Variants in RALYL observed in about 807,000 individuals in gnomAD.
The protein encoded by RALYL is RNA-binding Raly-like protein.
A neutral mutation model predicts 35.1 loss-of-function variants in RALYL; 29 were observed. That is an observed-to-expected ratio of 0.83 (90% CI 0.61 to 1.13). The LOEUF is 1.13. Among genes scored for constraint, RALYL ranks in the 50% most tolerant of loss-of-function variants. The probability of loss-of-function intolerance (pLI) is 0.00; values close to 1 mark genes in which losing one functional copy is unlikely to be tolerated. For synonymous variants in RALYL, 120 were observed against 127.6 expected, an observed-to-expected ratio of 0.94 and a Z score of 0.40; for missense variants, 359 against 360.4, an observed-to-expected ratio of 1.00 and a Z score of 0.03.
chr8:84,345,438 C>T (rs1849661436), intron 1 of RALYL, among the ~76,000 whole-genome samples: 1 of 152,068 alleles, frequency 6.6e-6, no homozygotes, highest in Non-Finnish European at 1.5e-5. Context: ...TCTACTATGA[C>T]ATATCTACCT....
At chr8:84,481,188 C>T (rs769347074) in intron 1 of RALYL, among the ~76,000 whole-genome samples, 1 of 152,048 alleles carries the variant, frequency 6.6e-6, no homozygotes, top group Non-Finnish European at 1.5e-5. Flanking sequence ...TTATAAATTA[C>T]GTTCTTCTAA....
rs573403584 is a variant in RALYL at position 84,858,523 on chromosome 8, A to G, written c.414-3773A>G. On this transcript the variant is annotated intron_variant, in intron 5 of 8. Transcript: ENST00000521268. Reference sequence around the variant, plus strand: ...AAGAAAAACAAGAGGAAGGAAAAAAATTAAAGCTTTTCACTAGCCTGGAGA... The same window carrying G: ...AAGAAAAACAAGAGGAAGGAAAAAAGTTAAAGCTTTTCACTAGCCTGGAGA... Among the ~76,000 whole-genome samples the G allele has an allele frequency of 7.7e-4, 117 of 152,344 alleles. 2 individuals carry two copies. Among genetic ancestry groups the G allele is most frequent in the African/African-American group, 2.6e-3 (108 of 41,584 alleles).
In RALYL at chr8:84,500,770, T is replaced by C. The variant is rs560089208; in HGVS notation, c.-23-28529T>C. Among the ~76,000 whole-genome samples, 15 of 152,256 alleles carry C rather than the reference T, an allele frequency of 9.9e-5. No homozygotes were observed. In the South Asian group the frequency reaches 2.9e-3, roughly 29 times the overall value. ...AATGGAAATTAAATGTGATGCTGGG[T>C]GTTCTGGCAGGGTGGCCTGGGAGCT... On this transcript the variant is annotated intron_variant, in intron 1 of 8. Transcript: ENST00000521268.
intron 2 of RALYL, among the ~76,000 whole-genome samples, chr8:84,742,620 A>G (rs1306178089): frequency 6.6e-6 from 1 of 152,038 alleles, no homozygotes; most frequent in Admixed American, 6.6e-5. Context: ...AATCAGAGGA[A>G]ACTGGGAGGG....
chr8:84,691,850 G>T (rs922276533), intron 2 of RALYL, among the ~76,000 whole-genome samples: 1 of 151,878 alleles, frequency 6.6e-6, no homozygotes, highest in Non-Finnish European at 1.5e-5. Context: ...CTAAACAAGA[G>T]CAAAATATTA....
At chr8:84,904,968 T>C (rs1846248542) in intron 8 of RALYL, among the ~76,000 whole-genome samples, 1 of 152,156 alleles carries the variant, frequency 6.6e-6, no homozygotes, top group Non-Finnish European at 1.5e-5. Context: ...ACATGAGATC[T>C]ACCATCTTTA....
chr8:84,519,716 C>A (rs556071406), intron 1 of RALYL, among the ~76,000 whole-genome samples: 3 of 152,290 alleles, frequency 2.0e-5, no homozygotes, highest in Admixed American at 6.5e-5. Context: ...AATGGAACCC[C>A]TTTTAGCAAT....
At chr8:84,316,371 A>C (rs1212368788) in intron 1 of RALYL, among the ~76,000 whole-genome samples, 1 of 152,126 alleles carries the variant, frequency 6.6e-6, no homozygotes, top group Admixed American at 6.5e-5. Context: ...GTATTTCTAT[A>C]ATATCAGGTT....
At chr8:84,882,366 T>C (rs558834065) in intron 7 of RALYL, among the ~76,000 whole-genome samples, 1 of 152,044 alleles carries the variant, frequency 6.6e-6, no homozygotes, top group Non-Finnish European at 1.5e-5. Flanking sequence ...TGAAGACTTG[T>C]CAATATAAAC....
intron 1 of RALYL, among the ~76,000 whole-genome samples, chr8:84,401,311 G>T (rs182348799): frequency 6.6e-6 from 1 of 151,808 alleles, no homozygotes; most frequent in African/African-American, 2.4e-5. Flanking sequence ...TTTCAGTGTG[G>T]GGAAGGTTTA....
At chr8:84,645,035 C>T (rs370434189) in intron 2 of RALYL, among the ~76,000 whole-genome samples, 1 of 152,034 alleles carries the variant, frequency 6.6e-6, no homozygotes, top group East Asian at 1.9e-4. Flanking sequence ...CAGGCATAAG[C>T]CACTGCACCT....
chr8:84,819,899 G>A (rs368516149), intron 4 of RALYL, among the ~76,000 whole-genome samples: 10 of 152,226 alleles, frequency 6.6e-5, no homozygotes, highest in African/African-American at 2.2e-4. Flanking sequence ...ATATAATAAA[G>A]TGTCACATTA....
intron 2 of RALYL, among the ~76,000 whole-genome samples, chr8:84,710,536 A>G (rs1842006931): frequency 6.6e-6 from 1 of 152,050 alleles, no homozygotes; most frequent in Non-Finnish European, 1.5e-5. Context: ...TCCTGACCTC[A>G]GGTGATCTGC....
At chr8:84,232,050 GA>G (rs1461161857) in intron 1 of RALYL, among the ~76,000 whole-genome samples, 6 of 152,168 alleles carry the variant, frequency 3.9e-5, no homozygotes, top group South Asian at 2.1e-4. Flanking sequence ...TCATTTGGGG[GA>G]AAAAAGGTCT....
At chr8:84,727,446 T>C (rs970765215) in intron 2 of RALYL, among the ~76,000 whole-genome samples, 1 of 152,008 alleles carries the variant, frequency 6.6e-6, no homozygotes, top group Admixed American at 6.6e-5. Context: ...CTCTTCACTA[T>C]ATTTTCTTTT....
chr8:84,921,510 G>A lies in RALYL; in HGVS notation c.*599G>A, dbSNP rs939117971. 1 of 152,072 alleles carries A rather than the reference G, an allele frequency of 6.6e-6. No homozygotes were observed. Among genetic ancestry groups the A allele is most frequent in the East Asian group, 1.9e-4 (1 of 5,196 alleles). The allele number at this position is 152,072 out of a possible 1,614,324, so 9.4% of individuals were successfully genotyped here. On this transcript the variant is annotated 3_prime_UTR_variant, in exon 9 of 9. Transcript: ENST00000521268. ...TGATATAATAGTTAAAGAACTGTTGGTTTGATCTGTGATTAAGTTGAGCAT... is the reference window on the plus strand; with the variant it reads ...TGATATAATAGTTAAAGAACTGTTGATTTGATCTGTGATTAAGTTGAGCAT...
At chr8:84,462,355 T>C (rs1466518232) in intron 1 of RALYL, among the ~76,000 whole-genome samples, 1 of 151,602 alleles carries the variant, frequency 6.6e-6, no homozygotes, top group Non-Finnish European at 1.5e-5. Context: ...TTCGGATATG[T>C]CTTTTGCAAA....
intron 1 of RALYL, among the ~76,000 whole-genome samples, chr8:84,333,724 G>A (rs944661149): frequency 6.6e-6 from 1 of 152,162 alleles, no homozygotes; most frequent in Non-Finnish European, 1.5e-5. Context: ...TTAGGTGAGA[G>A]TTGGAGACTG....
intron 1 of RALYL, among the ~76,000 whole-genome samples, chr8:84,238,249 T>C (rs867268002): frequency 1.3e-5 from 2 of 152,246 alleles, no homozygotes; most frequent in South Asian, 2.1e-4. Flanking sequence ...GAAATATTTA[T>C]AAAATATTTC....
Sources: gnomAD v4.1 joint callset for allele counts (sites outside exome capture counted in the v4.1 genomes callset) on GRCh38, gnomAD v4.1.1 for gene constraint, MANE v1.5 for transcripts, NCBI Gene and HGNC (gene_info 2026-07-23, HGNC 2026-07-21) for gene names.